Variants in NEGR1 observed in about 807,000 individuals in gnomAD.
The protein encoded by NEGR1 is neuronal growth regulator 1, also known as IgLON family member 4.
NEGR1 carries 10 observed loss-of-function variants against 40.9 expected under a neutral mutation model. The observed-to-expected ratio is 0.24, with a 90% CI of 0.15 to 0.42. The LOEUF is 0.42. NEGR1 is among the 10% of genes least tolerant of loss of function. The pLI is 1.00. For synonymous variants in NEGR1, 185 were observed against 166.8 expected (o/e 1.11, Z -0.84); for missense variants, 352 against 438.9 (o/e 0.80, Z 1.77).
intron 2 of NEGR1, among the ~76,000 whole-genome samples, chr1:71,804,383 CAT>C (rs2101752135): frequency 6.6e-6 from 1 of 152,096 alleles, no homozygotes; most frequent in South Asian, 2.1e-4. Context: ...TAGCTGGCCT[CAT>C]AGCACAGTGT....
At chr1:72,008,128 C>T (rs1422731011) in intron 1 of NEGR1, among the ~76,000 whole-genome samples, 2 of 151,744 alleles carry the variant, frequency 1.3e-5, no homozygotes, top group South Asian at 2.1e-4. Flanking sequence ...TATGATGATG[C>T]GGATATACGT....
intron 1 of NEGR1, among the ~76,000 whole-genome samples, chr1:72,143,893 TA>T (rs980900999): frequency 2.6e-4 from 25 of 96,672 alleles, no homozygotes; most frequent in African/African-American, 1.0e-3. Context: ...CATATATATA[TA>T]TTATATATAT....
chr1:71,561,755 T>C (rs1170238900), intron 6 of NEGR1, among the ~76,000 whole-genome samples: 2 of 151,670 alleles, frequency 1.3e-5, no homozygotes, highest in Non-Finnish European at 3.0e-5. Context: ...TCCAGAGTTT[T>C]TGGGGTTGAG....
chr1:71,978,505 A>T lies in NEGR1; in HGVS notation c.177-43194T>A, dbSNP rs550254895. Among the ~76,000 whole-genome samples, 5 of 152,252 alleles carry T rather than the reference A, an allele frequency of 3.3e-5. No homozygotes were observed. In the East Asian group the frequency reaches 5.8e-4, roughly 18 times the overall value. On this transcript the variant is annotated intron_variant, in intron 1 of 6. Transcript: ENST00000357731. ...CTGAAATTGCTACCTAACAACTACC[A>T]AACTCAATTCAAAAAGCAACCCCAT...
intron 1 of NEGR1, among the ~76,000 whole-genome samples, chr1:72,028,319 T>C (rs1039041053): frequency 2.6e-5 from 4 of 152,194 alleles, no homozygotes; most frequent in Admixed American, 1.3e-4. Flanking sequence ...ATACGTACCT[T>C]ATTTTTCAAA....
At chr1:72,112,537 G>T (rs979466212) in intron 1 of NEGR1, among the ~76,000 whole-genome samples, 1 of 151,570 alleles carries the variant, frequency 6.6e-6, no homozygotes, top group East Asian at 1.9e-4. Context: ...TGATACATTT[G>T]TGATTGTTAG....
At chr1:71,907,298 G>T (rs1661304021) in intron 2 of NEGR1, among the ~76,000 whole-genome samples, 2 of 152,164 alleles carry the variant, frequency 1.3e-5, no homozygotes, top group South Asian at 2.1e-4. Flanking sequence ...ACTTAATGAG[G>T]TAATATAATT....
At chr1:71,959,158 T>A (rs921824633) in intron 1 of NEGR1, among the ~76,000 whole-genome samples, 1 of 152,182 alleles carries the variant, frequency 6.6e-6, no homozygotes, top group Non-Finnish European at 1.5e-5. Context: ...TAATTTACTT[T>A]CACTCTTCCA....
intron 1 of NEGR1, among the ~76,000 whole-genome samples, chr1:72,013,962 A>AC (rs1646684121): frequency 8.1e-6 from 1 of 123,224 alleles, no homozygotes; most frequent in Non-Finnish European, 1.7e-5. Context: ...TCTGTGAAAA[A>AC]TAAAAAAAAA....
In NEGR1 at chr1:72,026,805, ATTTCTACCCTCTCCATCAATC is replaced by A. The variant is rs1646814417; in HGVS notation, c.177-91515_177-91495del. On this transcript the variant is annotated intron_variant, in intron 1 of 6. Coordinates refer to ENST00000357731, the MANE Select transcript of NEGR1 (RefSeq NM_173808.3). Reference sequence around the variant, plus strand: ...AATAACTTGGTGAATTCCATACATTATTTCTACCCTCTCCATCAATCCTTAACTTGCATAGCTAGCCTGGCT... The same window carrying A: ...AATAACTTGGTGAATTCCATACATTACTTAACTTGCATAGCTAGCCTGGCT... Among the ~76,000 whole-genome samples the A allele has an allele frequency of 2.6e-5, 4 of 152,154 alleles. No individual in the cohort carries two copies. The South Asian group carries it at 8.3e-4, about 32-fold the overall frequency.
intron 6 of NEGR1, among the ~76,000 whole-genome samples, chr1:71,547,707 G>T (rs979160735): frequency 6.6e-6 from 1 of 151,706 alleles, no homozygotes; most frequent in Non-Finnish European, 1.5e-5. Flanking sequence ...AAGAAGGCAG[G>T]GGAGAGCACT....
At chr1:71,885,919 A>C (rs1660710418) in intron 2 of NEGR1, among the ~76,000 whole-genome samples, 1 of 152,314 alleles carries the variant, frequency 6.6e-6, no homozygotes, top group South Asian at 2.1e-4. Flanking sequence ...TTTATACTAT[A>C]AATTGAGTAA....
At chr1:71,626,649 A>C (rs1650792609) in intron 4 of NEGR1, among the ~76,000 whole-genome samples, 1 of 152,062 alleles carries the variant, frequency 6.6e-6, no homozygotes, top group Admixed American at 6.6e-5. Flanking sequence ...AATGGGATCT[A>C]ATTAAACTAA....
At chr1:72,015,106 C>G (rs1486113) in intron 1 of NEGR1, among the ~76,000 whole-genome samples, 79,145 of 151,654 alleles carry the variant, frequency 0.52, 21,620 homozygotes, top group African/African-American at 0.67. Context: ...AATCTTTTGA[C>G]AGTCACACTA....
At chr1:71,725,424 G>C (rs1654639235) in intron 3 of NEGR1, among the ~76,000 whole-genome samples, 1 of 152,082 alleles carries the variant, frequency 6.6e-6, no homozygotes, top group Admixed American at 6.6e-5. Flanking sequence ...GCTGATAAGA[G>C]TTAAGGAAAT....
At chr1:71,471,073 A>C (rs1182991932) in intron 6 of NEGR1, among the ~76,000 whole-genome samples, 1 of 152,144 alleles carries the variant, frequency 6.6e-6, no homozygotes, top group African/African-American at 2.4e-5. Context: ...ATTCTCATCA[A>C]GTTATATTCC....
intron 6 of NEGR1, among the ~76,000 whole-genome samples, chr1:71,540,763 A>G (rs1647662707): frequency 6.6e-6 from 1 of 151,690 alleles, no homozygotes; most frequent in Non-Finnish European, 1.5e-5. Flanking sequence ...AATACCTGAG[A>G]CTGGGTAATT....
chr1:72,142,497 A>G (rs114415153), intron 1 of NEGR1, among the ~76,000 whole-genome samples: 2,459 of 151,502 alleles, frequency 0.016, 67 homozygotes, highest in African/African-American at 0.057. Context: ...GCCAATTACT[A>G]GCCACAATAA....
At chr1:72,031,700 G>T (rs375866214) in intron 1 of NEGR1, among the ~76,000 whole-genome samples, 1 of 152,104 alleles carries the variant, frequency 6.6e-6, no homozygotes, top group Non-Finnish European at 1.5e-5. Flanking sequence ...GGTCCAGAGA[G>T]ATTCTAGTAC....
Sources: allele counts gnomAD v4.1 joint callset (sites outside exome capture counted in the v4.1 genomes callset), GRCh38; gene constraint gnomAD v4.1.1; transcripts MANE v1.5; gene names NCBI Gene and HGNC (gene_info 2026-07-23, HGNC 2026-07-21).